The following NRAP variants were observed in gnomAD, a reference collection of about 807,000 sequenced individuals.
NRAP encodes nebulin related anchoring protein, also known as nebulin-related-anchoring protein.
NRAP carries 189 observed loss-of-function variants against 225.9 expected under a neutral mutation model. The ratio of observed to expected loss-of-function variants is 0.84; its 90% CI spans 0.74 to 0.94. The LOEUF (loss-of-function observed/expected upper bound fraction) is 0.94. NRAP is among the 40% of genes least tolerant of loss of function. NRAP has a pLI of 0.00. For synonymous variants in NRAP, 769 were observed against 790.7 expected (o/e 0.97, Z 0.46); for missense variants, 2,176 against 2,168.7 (o/e 1.00, Z -0.07).
intron 18 of NRAP, 93 bp from the exon 19 acceptor site, chr10:113,629,878 G>A (rs892299929): frequency 7.1e-6 from 6 of 850,026 alleles, no homozygotes; most frequent in Non-Finnish European, 7.7e-6. Context: ...CCGGGCTTTC[G>A]GGAGCAGGAG....
rs1225478574 is a variant in NRAP, at chr10:113,633,236, A to G, written c.1528-48T>C. On this transcript the variant is annotated intron_variant, in intron 15 of 41. Coordinates refer to ENST00000359988, the MANE Select transcript of NRAP (RefSeq NM_198060.4). The stretch of plus-strand genomic sequence containing the variant: ...GTAGGGTTTTTATATGGGCAGAAAG[A>G]GAACTTTAGGGACCCATAGCTCTTT... The G allele has an allele frequency of 5.5e-6, 6 of 1,093,774 alleles. No individual in the cohort carries two copies. In the South Asian group the frequency reaches 7.5e-5, roughly 14 times the overall value. The allele number at this position is 1,093,774 out of a possible 1,614,324, so 67.8% of individuals were successfully genotyped here.
intron 22 of NRAP, among the ~76,000 whole-genome samples, chr10:113,623,987 C>T (rs1295293097): frequency 6.6e-6 from 1 of 152,202 alleles, no homozygotes; most frequent in Non-Finnish European, 1.5e-5. Flanking sequence ...CCACGCACCC[C>T]ACCCTGCCAG....
intron 34 of NRAP, 91 bp from the exon 35 acceptor site, chr10:113,605,011 G>T: frequency 8.3e-6 from 12 of 1,437,456 alleles, no homozygotes; most frequent in East Asian, 2.3e-5. Context: ...AGGAGGTGAT[G>T]ATTATAAGAA....
chr10:113,615,154 TG>T (rs1014284042), intron 27 of NRAP, among the ~76,000 whole-genome samples: 10 of 148,486 alleles, frequency 6.7e-5, no homozygotes, highest in African/African-American at 2.5e-4. Context: ...GGGATGGGGT[TG>T]GGGGGGATGG....
chr10:113,628,403 T>G (rs1298298136), intron 20 of NRAP, among the ~76,000 whole-genome samples: 1 of 152,152 alleles, frequency 6.6e-6, no homozygotes, highest in Non-Finnish European at 1.5e-5. Context: ...TTAGCCAGGA[T>G]GGTCTCGATC....
chr10:113,636,126 G>T (rs913709961), intron 14 of NRAP, among the ~76,000 whole-genome samples: 37 of 152,208 alleles, frequency 2.4e-4, no homozygotes, highest in African/African-American at 8.0e-4. Flanking sequence ...CAAGGCCAAA[G>T]GCCCCACCCA....
At chr10:113,662,955 C>T (rs1285349361) in intron 2 of NRAP, among the ~76,000 whole-genome samples, 189 bp from the exon 3 acceptor site, 2 of 151,874 alleles carry the variant, frequency 1.3e-5, no homozygotes, top group African/African-American at 2.4e-5. Flanking sequence ...CAAATAAAAT[C>T]GACATATATA....
chr10:113,612,164 A>G lies in NRAP; in HGVS notation c.3498+70T>C, dbSNP rs888780004. 30 of 1,255,968 alleles carry G rather than the reference A, an allele frequency of 2.4e-5. No homozygotes were observed. In the Admixed American group the frequency reaches 5.5e-4, roughly 23 times the overall value. 77.8% of individuals were successfully genotyped at this position (1,255,968 alleles called of 1,614,324 possible). A position where few individuals can be genotyped will look rare whatever the true frequency, so the allele number is the denominator to read the frequency against. ...CCAGAGATTTCACTGAGCCAACAGG[A>G]GCCTGGAGGTCACCACCCTGAGGTC... On this transcript the variant is annotated intron_variant, in intron 30 of 41. Coordinates refer to ENST00000359988, the MANE Select transcript of NRAP (RefSeq NM_198060.4).
At chr10:113,653,421 C>A (rs545686823) in intron 5 of NRAP, among the ~76,000 whole-genome samples, 16 of 152,132 alleles carry the variant, frequency 1.1e-4, no homozygotes, top group Admixed American at 5.9e-4. Context: ...TTTTTCTTTC[C>A]TTCTGACTTT....
rs1259043294 is a variant in NRAP at position 113,612,219 on chromosome 10, G to A, written c.3498+15C>T. Reference sequence around the variant, plus strand: ...GAGAAGAAGGGGCCCTGAGAAAGAGGCCAGGTCTCCTTACCTCACTCTGCA... The same window carrying A: ...GAGAAGAAGGGGCCCTGAGAAAGAGACCAGGTCTCCTTACCTCACTCTGCA... On this transcript the variant is annotated intron_variant, in intron 30 of 41. Coordinates refer to ENST00000359988, the MANE Select transcript of NRAP (RefSeq NM_198060.4). 6.2e-7 allele frequency: 1 copy of A among 1,610,908 alleles called. No individual in the cohort carries two copies. Among genetic ancestry groups the A allele is most frequent in the African/African-American group, 1.3e-5 (1 of 74,954 alleles).
chr10:113,611,955 T>G (rs569027605), intron 30 of NRAP, among the ~76,000 whole-genome samples: 3 of 152,350 alleles, frequency 2.0e-5, no homozygotes, highest in East Asian at 3.9e-4. Flanking sequence ...GTAATTTCTC[T>G]GTAAAATGAG....
intron 38 of NRAP, among the ~76,000 whole-genome samples, chr10:113,592,955 G>A (rs984399301): frequency 1.3e-5 from 2 of 152,218 alleles, no homozygotes; most frequent in African/African-American, 4.8e-5. Context: ...GTTCTCACAC[G>A]CCCTCTGGGA....
chr10:113,624,843 C>T lies in NRAP; in HGVS notation c.2332G>A (p.Ala778Thr). ...EPLFLQARAN[A>T]ANLSEKLYKS... ...CTCTGTACCTCGCTGAGATTTGCAG[C>T]ATTGGCTCGGGCCTGCAGGAAGAGA... Residue 778 changes from alanine (A) to threonine (T), a missense_variant, in exon 22 of 42, where the codon GCT becomes ACT. Around this residue, in one of 3 missense-constraint regions of NRAP, gnomAD observed 1,708 missense variants for 1,695.5 expected, o/e 1.01. Transcript: ENST00000359988. 1 of 1,613,832 alleles carries T rather than the reference C, an allele frequency of 6.2e-7. No homozygotes were observed.
chr10:113,651,746 G>T, intron 7 of NRAP, 57 bp downstream of exon 7: 2 of 961,774 alleles, frequency 2.1e-6, no homozygotes, highest in Non-Finnish European at 3.4e-6. Flanking sequence ...CAAGAGCAAA[G>T]ATGAGGAATC....
rs1564689219 is a variant in NRAP at position 113,590,645 on chromosome 10, T to TG, written c.4888dup (p.Gln1630ProfsTer23). ...CAGCTGCTCCGGGTCGCAGGTGGGC[T>TG]GGGGCAGGGGCTGCCTGTAGTGCAC... is the stretch of plus-strand genomic sequence containing the variant. On this transcript the variant is annotated frameshift_variant, in exon 40 of 42. Transcript: ENST00000359988. LOFTEE classifies it high-confidence loss of function. 6.2e-7 allele frequency: 1 copy of TG among 1,614,036 alleles called. No homozygotes were observed. Among genetic ancestry groups the TG allele is most frequent in the East Asian group, 2.2e-5 (1 of 44,880 alleles).
intron 11 of NRAP, 50 bp downstream of exon 11, chr10:113,645,775 G>A (rs1312297017): frequency 2.1e-6 from 2 of 942,040 alleles, no homozygotes; most frequent in African/African-American, 1.6e-5. Flanking sequence ...ACTGACTATA[G>A]GAGATAAAAG....
chr10:113,614,523 G>A (rs186655957), intron 28 of NRAP, among the ~76,000 whole-genome samples: 184 of 152,328 alleles, frequency 1.2e-3, no homozygotes, highest in African/African-American at 3.7e-3. Context: ...GGGCGGCCCC[G>A]CACTGGAGGA....
chr10:113,610,377 A>T, intron 31 of NRAP, 82 bp downstream of exon 31: 1 of 705,334 alleles, frequency 1.4e-6, no homozygotes, highest in Non-Finnish European at 2.5e-6. Context: ...AAAAAAAGGA[A>T]GAAAGAAAAA....
chr10:113,653,068 G>A, intron 5 of NRAP, 29 bp from the exon 6 acceptor site: 1 of 1,234,844 alleles, frequency 8.1e-7, no homozygotes, highest in East Asian at 2.4e-5. Context: ...GTCAGCATGA[G>A]AACTGAGATG....
Sources: allele counts gnomAD v4.1 joint callset (sites outside exome capture counted in the v4.1 genomes callset), GRCh38; gene constraint gnomAD v4.1.1; regional missense constraint gnomAD v4.1.1; transcripts MANE v1.5; gene names NCBI Gene and HGNC (gene_info 2026-07-23, HGNC 2026-07-21).